LMAN2L: variants seen among roughly 807,000 people sequenced by gnomAD.
LMAN2L encodes lectin, mannose binding 2 like, also known as VIP36-like protein.
LMAN2L carries 30 observed loss-of-function variants against 44.3 expected under a neutral mutation model. That is an observed-to-expected ratio of 0.68 (90% CI 0.51 to 0.92). LMAN2L has a LOEUF of 0.92. Among genes scored for constraint, LMAN2L ranks in the 40% least tolerant of loss-of-function variants. The pLI is 0.00. For missense variants in LMAN2L, 429 were observed against 446.1 expected, an observed-to-expected ratio of 0.96 and a Z score of 0.35; for synonymous variants, 183 against 171.1, an observed-to-expected ratio of 1.07 and a Z score of -0.54.
intron 4 of LMAN2L, among the ~76,000 whole-genome samples, chr2:96,731,500 G>A (rs2078395432): frequency 6.6e-6 from 1 of 151,940 alleles, no homozygotes; most frequent in Admixed American, 6.6e-5. Flanking sequence ...ACAAAAATTA[G>A]CTGGGCGTGG....
intron 2 of LMAN2L, chr2:96,734,747 G>A (rs1476519508): frequency 9.3e-6 from 5 of 536,062 alleles, no homozygotes; most frequent in Admixed American, 6.5e-5. Context: ...TAAACCTCCC[G>A]ATTATCTTCA....
chr2:96,708,051 C>A (rs1188321032), intron 6 of LMAN2L, among the ~76,000 whole-genome samples: 1 of 152,212 alleles, frequency 6.6e-6, no homozygotes, highest in Non-Finnish European at 1.5e-5. Context: ...GCATGCATTA[C>A]CTGTATAGAA....
intron 4 of LMAN2L, among the ~76,000 whole-genome samples, chr2:96,719,628 C>T (rs2078109859): frequency 6.6e-6 from 1 of 152,040 alleles, no homozygotes; most frequent in African/African-American, 2.4e-5. Flanking sequence ...CAGAGTCTCA[C>T]TCTGTTGCCC....
chr2:96,730,026 T>C (rs1288004546), intron 4 of LMAN2L, among the ~76,000 whole-genome samples: 2 of 152,250 alleles, frequency 1.3e-5, no homozygotes, highest in East Asian at 1.9e-4. Flanking sequence ...AGAACCACAA[T>C]AGCTAGCCAG....
At chr2:96,733,174 G>C (rs2078443193) in intron 4 of LMAN2L, among the ~76,000 whole-genome samples, 1 of 152,178 alleles carries the variant, frequency 6.6e-6, no homozygotes, top group Non-Finnish European at 1.5e-5. Context: ...TTAAAAGTCA[G>C]GGGAGGCTGA....
chr2:96,718,653 T>C (rs952658828), intron 4 of LMAN2L, among the ~76,000 whole-genome samples: 2 of 152,218 alleles, frequency 1.3e-5, no homozygotes, highest in African/African-American at 4.8e-5. Flanking sequence ...TATAAGCTGC[T>C]GGTCCTACAA....
intron 4 of LMAN2L, among the ~76,000 whole-genome samples, chr2:96,724,592 C>T (rs2078228294): frequency 6.6e-6 from 1 of 152,032 alleles, no homozygotes; most frequent in Admixed American, 6.6e-5. Flanking sequence ...TGTGGACTCA[C>T]CCTCCTGAGC....
At chr2:96,737,915 G>T in intron 2 of LMAN2L, 34 bp downstream of exon 2, 1 of 1,418,514 alleles carries the variant, frequency 7.0e-7, no homozygotes, top group Non-Finnish European at 1.0e-6. Context: ...AGGCCTTTCT[G>T]GGTCACCAAC....
intron 4 of LMAN2L, among the ~76,000 whole-genome samples, chr2:96,719,761 T>C (rs1007201293): frequency 1.3e-5 from 2 of 152,070 alleles, no homozygotes; most frequent in Admixed American, 6.5e-5. Context: ...TCCCAGCTAA[T>C]TGTTGTATTC....
chr2:96,707,442 C>T (rs1377876438), intron 7 of LMAN2L, 44 bp from the exon 8 acceptor site: 1 of 1,578,302 alleles, frequency 6.3e-7, no homozygotes, highest in Non-Finnish European at 8.6e-7. Context: ...AGGGAGCCCA[C>T]CCAATAGGGA....
chr2:96,711,655 C>T lies in LMAN2L; in HGVS notation c.784+1G>A. On this transcript the variant is annotated splice_donor_variant, in intron 6 of 7. Coordinates refer to ENST00000264963, the MANE Select transcript of LMAN2L (RefSeq NM_030805.4). LOFTEE classifies it high-confidence loss of function. ...CAAACCAAGAGTGCGCGTGGCAGTA[C>T]CTGAGAGATCCCCAGTGATGGAGGA... 6.2e-7 allele frequency: 1 copy of T among 1,608,048 alleles called. No individual in the cohort carries two copies. Among genetic ancestry groups the T allele is most frequent in the Non-Finnish European group, 8.5e-7 (1 of 1,175,208 alleles).
intron 4 of LMAN2L, among the ~76,000 whole-genome samples, chr2:96,724,132 G>A (rs536115137): frequency 6.6e-6 from 1 of 151,962 alleles, no homozygotes; most frequent in South Asian, 2.1e-4. Flanking sequence ...AAAATTAATT[G>A]ATTAAATGTG....
At chr2:96,715,334 T>C (rs1344020227) in intron 4 of LMAN2L, among the ~76,000 whole-genome samples, 1 of 152,248 alleles carries the variant, frequency 6.6e-6, no homozygotes, top group African/African-American at 2.4e-5. Context: ...GCTTTGCAAC[T>C]ACAGAGAATC....
At chr2:96,734,551 C>A in intron 2 of LMAN2L, 25 bp from the exon 3 acceptor site, 1 of 1,428,170 alleles carries the variant, frequency 7.0e-7, no homozygotes, top group African/African-American at 1.4e-5. Context: ...ACATTAGAAT[C>A]AATGAGGAGC....
chr2:96,732,793 T>TTC (rs1259209460), intron 4 of LMAN2L, among the ~76,000 whole-genome samples: 4 of 147,012 alleles, frequency 2.7e-5, no homozygotes, highest in African/African-American at 9.8e-5. Context: ...CTTTCTTTCT[T>TTC]TTTTTTTTTT....
intron 4 of LMAN2L, among the ~76,000 whole-genome samples, chr2:96,718,257 G>A (rs1486052600): frequency 6.6e-6 from 1 of 152,116 alleles, no homozygotes; most frequent in African/African-American, 2.4e-5. Flanking sequence ...TGCGTGGCCG[G>A]TTGTATTCTT....
chr2:96,735,001 T>G lies in LMAN2L; in HGVS notation c.307-475A>C, dbSNP rs117247401. ...TAGAAAAAGAAAAGCTAAGCTGTTA[T>G]GCAAACGTTTCCAGGAATAATTAGC... On this transcript the variant is annotated intron_variant, in intron 2 of 7. Transcript: ENST00000264963. Among the ~76,000 whole-genome samples, 142 of 151,880 alleles carry G rather than the reference T, an allele frequency of 9.3e-4. 2 individuals are homozygous for G. In the East Asian group the frequency reaches 0.022, roughly 24 times the overall value.
intron 1 of LMAN2L, 21 bp from the exon 2 acceptor site, chr2:96,738,088 A>G: frequency 1.9e-6 from 3 of 1,547,842 alleles, no homozygotes; most frequent in Non-Finnish European, 2.7e-6. Context: ...GAAGTAGATC[A>G]GTTCATACTT....
At chr2:96,716,106 C>G (rs779582692) in intron 4 of LMAN2L, among the ~76,000 whole-genome samples, 1 of 152,192 alleles carries the variant, frequency 6.6e-6, no homozygotes, top group Non-Finnish European at 1.5e-5. Flanking sequence ...TTCTAAAGCA[C>G]GAATTCCCAG....
Sources: allele counts gnomAD v4.1 joint callset (sites outside exome capture counted in the v4.1 genomes callset), GRCh38; gene constraint gnomAD v4.1.1; transcripts MANE v1.5; gene names NCBI Gene and HGNC (gene_info 2026-07-23, HGNC 2026-07-21).